The following IMMP2L variants were observed in gnomAD, a reference collection of about 807,000 sequenced individuals.
The protein encoded by IMMP2L is inner mitochondrial membrane peptidase subunit 2, also known as mitochondrial inner membrane protease subunit 2.
IMMP2L carries 18 observed loss-of-function variants against 19.3 expected under a neutral mutation model. The observed-to-expected ratio is 0.93, with a 90% CI of 0.64 to 1.38. The LOEUF is 1.38. IMMP2L is among the 40% of genes most tolerant of loss of function. The probability of loss-of-function intolerance (pLI) is 0.00; values close to 1 mark genes in which losing one functional copy is unlikely to be tolerated. For missense variants in IMMP2L, 233 were observed against 218.2 expected (o/e 1.07, Z -0.43); for synonymous variants, 76 against 73.0 (o/e 1.04, Z -0.21).
chr7:111,299,203 T>C (rs1821950430), intron 3 of IMMP2L, among the ~76,000 whole-genome samples: 1 of 152,078 alleles, frequency 6.6e-6, no homozygotes, highest in Non-Finnish European at 1.5e-5. Context: ...GCCAAATACA[T>C]TTGAGAAAGA....
chr7:111,273,536 G>T (rs930001065), intron 3 of IMMP2L, among the ~76,000 whole-genome samples: 2 of 152,086 alleles, frequency 1.3e-5, no homozygotes, highest in African/African-American at 4.8e-5. Flanking sequence ...TCCTGCCATG[G>T]GTATGGGGTC....
At chr7:111,466,970 T>C (rs1040401516) in intron 3 of IMMP2L, among the ~76,000 whole-genome samples, 2 of 152,184 alleles carry the variant, frequency 1.3e-5, no homozygotes, top group Non-Finnish European at 2.9e-5. Context: ...TTTGGTACAA[T>C]TGAGAGGTCC....
At chr7:110,680,287 T>C (rs1792622382) in intron 5 of IMMP2L, among the ~76,000 whole-genome samples, 1 of 152,164 alleles carries the variant, frequency 6.6e-6, no homozygotes, top group South Asian at 2.1e-4. Context: ...AAGTTGTTTG[T>C]GGCCAGAGAC....
At chr7:110,951,810 A>G (rs1198583139) in intron 4 of IMMP2L, among the ~76,000 whole-genome samples, 1 of 152,088 alleles carries the variant, frequency 6.6e-6, no homozygotes, top group Non-Finnish European at 1.5e-5. Context: ...ACACTTTTTT[A>G]ATAAAAATGT....
rs577017259 is a variant in IMMP2L, at chr7:111,239,344, CAA to C, written c.239+247892_239+247893del. 2.3e-3 allele frequency among the ~76,000 whole-genome samples: 349 copies of C among 152,000 alleles called. 3 individuals are homozygous for C. The highest frequency in any genetic ancestry group is 6.2e-3 in the African/African-American group (259 of 41,536). ...TCCATCTCCTAGGCCCTAATTTCAA[CAA>C]AGTCTATTCAAACGAATTAACAACA... On this transcript the variant is annotated intron_variant, in intron 3 of 5. Coordinates refer to ENST00000405709, the MANE Select transcript of IMMP2L (RefSeq NM_032549.4).
intron 1 of IMMP2L, among the ~76,000 whole-genome samples, chr7:111,538,459 T>C (rs1222981715): frequency 2.0e-5 from 3 of 151,482 alleles, no homozygotes; most frequent in Non-Finnish European, 4.4e-5. Context: ...AAGAAAGTGG[T>C]TTTTAAAAGA....
chr7:111,330,254 A>C (rs1825742506), intron 3 of IMMP2L, among the ~76,000 whole-genome samples: 1 of 151,872 alleles, frequency 6.6e-6, no homozygotes, highest in Admixed American at 6.6e-5. Flanking sequence ...AAATGCAATA[A>C]GAGACACTGG....
intron 3 of IMMP2L, among the ~76,000 whole-genome samples, chr7:111,267,852 TATGAGTTC>T (rs200948163): frequency 0.011 from 1,694 of 152,276 alleles, 12 homozygotes; most frequent in South Asian, 0.024. Flanking sequence ...CCTTCATGTC[TATGAGTTC>T]ATGAGTCATT....
chr7:110,771,353 A>C (rs1584777413), intron 5 of IMMP2L, among the ~76,000 whole-genome samples: 1 of 152,078 alleles, frequency 6.6e-6, no homozygotes, highest in African/African-American at 2.4e-5. Flanking sequence ...AAGCTTTGAG[A>C]CATAATGAGA....
intron 3 of IMMP2L, among the ~76,000 whole-genome samples, chr7:111,007,340 A>G (rs996931899): frequency 2.6e-5 from 4 of 152,080 alleles, no homozygotes; most frequent in African/African-American, 9.7e-5. Context: ...GGGGACACAG[A>G]CCTAAACTAT....
chr7:110,698,774 C>T (rs1167826494), intron 5 of IMMP2L, among the ~76,000 whole-genome samples: 1 of 152,176 alleles, frequency 6.6e-6, no homozygotes, highest in Admixed American at 6.5e-5. Flanking sequence ...TTCACCTTAT[C>T]TTTCCACCAC....
At chr7:111,020,604 A>G (rs1387179995) in intron 3 of IMMP2L, among the ~76,000 whole-genome samples, 2 of 152,058 alleles carry the variant, frequency 1.3e-5, no homozygotes, top group East Asian at 3.9e-4. Flanking sequence ...TCCACCAAAA[A>G]CACAAAATTT....
intron 3 of IMMP2L, among the ~76,000 whole-genome samples, chr7:111,111,614 A>G (rs1035627312): frequency 7.9e-5 from 12 of 152,060 alleles, no homozygotes; most frequent in Admixed American, 7.2e-4. Context: ...AGTAGAATTC[A>G]CCATAAAGCT....
chr7:110,841,377 G>A (rs1409613931), intron 5 of IMMP2L, among the ~76,000 whole-genome samples: 1 of 144,698 alleles, frequency 6.9e-6, no homozygotes, highest in African/African-American at 2.4e-5. Context: ...GACCAAAAAA[G>A]GACATGATTC....
At chr7:111,498,950 A>T (rs187409436) in intron 2 of IMMP2L, among the ~76,000 whole-genome samples, 1 of 152,282 alleles carries the variant, frequency 6.6e-6, no homozygotes. Flanking sequence ...TCTGGCAGAT[A>T]AAAAGGGGGA....
intron 5 of IMMP2L, among the ~76,000 whole-genome samples, chr7:110,765,467 G>A (rs918728615): frequency 6.6e-6 from 1 of 152,062 alleles, no homozygotes; most frequent in African/African-American, 2.4e-5. Context: ...ACACAGTATG[G>A]ACTGAAGAGA....
At chr7:111,007,607 G>A (rs868074345) in intron 3 of IMMP2L, among the ~76,000 whole-genome samples, 2 of 151,954 alleles carry the variant, frequency 1.3e-5, no homozygotes, top group South Asian at 4.1e-4. Context: ...TCACTCCCTA[G>A]TAAATCTCTT....
At chr7:111,139,192 C>A (rs1467867142) in intron 3 of IMMP2L, among the ~76,000 whole-genome samples, 1 of 151,638 alleles carries the variant, frequency 6.6e-6, no homozygotes, top group African/African-American at 2.4e-5. Flanking sequence ...AATTTTGGAA[C>A]GGAGCTAACA....
chr7:111,249,613 A>T (rs908082944), intron 3 of IMMP2L, among the ~76,000 whole-genome samples: 6 of 152,324 alleles, frequency 3.9e-5, no homozygotes, highest in Admixed American at 3.9e-4. Context: ...TTTAGAAGAG[A>T]AAGTCATATT....
Sources: gnomAD v4.1 joint callset for allele counts (sites outside exome capture counted in the v4.1 genomes callset) on GRCh38, gnomAD v4.1.1 for gene constraint, MANE v1.5 for transcripts, NCBI Gene and HGNC (gene_info 2026-07-23, HGNC 2026-07-21) for gene names.